Variants in IFT172 observed in about 807,000 individuals in gnomAD.
IFT172 encodes intraflagellar transport protein 172 homolog.
IFT172 carries 164 observed loss-of-function variants against 248.9 expected under a neutral mutation model. That is an observed-to-expected ratio of 0.66 (90% CI 0.58 to 0.75). The LOEUF (loss-of-function observed/expected upper bound fraction) is 0.75. IFT172 is among the 30% of genes least tolerant of loss of function. The probability of loss-of-function intolerance (pLI) is 0.00; values close to 1 mark genes in which losing one functional copy is unlikely to be tolerated. For missense variants in IFT172, 1,950 were observed against 2,192.4 expected (o/e 0.89, Z 2.21); for synonymous variants, 729 against 791.6 (o/e 0.92, Z 1.33).
chr2:27,489,026 A>C (rs1260327), intron 1 of IFT172, among the ~76,000 whole-genome samples: 7 of 152,178 alleles, frequency 4.6e-5, no homozygotes, highest in South Asian at 2.1e-4. Flanking sequence ...AACAGAGCAA[A>C]ACTCTGTCTC....
Position 27,445,292 on chromosome 2 carries a change from A to G in IFT172, c.5068+4T>C. The G allele has an allele frequency of 6.2e-7, 1 of 1,610,690 alleles. No individual in the cohort carries two copies. Among genetic ancestry groups the G allele is most frequent in the Non-Finnish European group, 8.5e-7 (1 of 1,178,004 alleles). On this transcript the variant is annotated splice_donor_region_variant and intron_variant, in intron 46 of 47. Coordinates refer to ENST00000260570, the MANE Select transcript of IFT172 (RefSeq NM_015662.3). The surrounding 1 kb of genome is among the most constrained non-coding windows in gnomAD (Gnocchi z 4.4). ...AGGATCTGGGGTGCTGTAGGCTTCT[A>G]TACCTGTAATAAGGCAGGGCAGGGC...
chr2:27,486,498 C>T (rs1404242793), intron 1 of IFT172, among the ~76,000 whole-genome samples: 1 of 152,316 alleles, frequency 6.6e-6, no homozygotes, highest in East Asian at 1.9e-4. Context: ...TTTTCTTCTG[C>T]CCCAATTGTT....
chr2:27,489,447 TG>T (rs1669005567), intron 1 of IFT172, among the ~76,000 whole-genome samples, 167 bp downstream of exon 1: 1 of 152,238 alleles, frequency 6.6e-6, no homozygotes, highest in African/African-American at 2.4e-5. Context: ...TCCTTAGCCC[TG>T]CATCTCGCCT....
rs543640369 is a variant in IFT172, at chr2:27,468,267, CTG to C, written c.1693-2387_1693-2386del. Among the ~76,000 whole-genome samples the C allele has an allele frequency of 3.0e-4, 46 of 151,610 alleles. No individual in the cohort carries two copies. In the East Asian group the frequency reaches 9.0e-3, roughly 30 times the overall value. On this transcript the variant is annotated intron_variant, in intron 16 of 47. Transcript: ENST00000260570. ...TTTGTTTCTGAGACAGAGTCTTACT[CTG>C]TCGTTCAGGCTGGAGTGCAGTGGTA... is the stretch of plus-strand genomic sequence containing the variant.
chr2:27,458,066 C>G (rs1054598476), intron 27 of IFT172, 60 bp downstream of exon 27: 1 of 1,612,232 alleles, frequency 6.2e-7, no homozygotes, highest in Admixed American at 1.7e-5. Flanking sequence ...CAGACCCCAT[C>G]CCTCGTCCCA....
intron 18 of IFT172, among the ~76,000 whole-genome samples, chr2:27,463,613 A>G (rs67086575): frequency 0.13 from 18,875 of 147,180 alleles, 1,548 homozygotes; most frequent in Middle Eastern, 0.21. Context: ...TCTTCTTCCG[A>G]TGTGGCTCAG....
At chr2:27,477,653 C>T (rs372414747) in intron 11 of IFT172, 41 bp from the exon 12 acceptor site, 216 of 1,327,174 alleles carry the variant, frequency 1.6e-4, no homozygotes, top group Non-Finnish European at 2.2e-4. Flanking sequence ...TGGATAAATA[C>T]CCAAGATAAT....
chr2:27,467,788 C>T (rs1394434139), intron 16 of IFT172, among the ~76,000 whole-genome samples: 1 of 152,010 alleles, frequency 6.6e-6, no homozygotes, highest in Non-Finnish European at 1.5e-5. Flanking sequence ...GAGATAATAA[C>T]TAAGAAACTT....
In IFT172 at chr2:27,447,877, G is replaced by C. The variant is rs753822760; in HGVS notation, c.4474C>G (p.Pro1492Ala). The C allele has an allele frequency of 6.2e-7, 1 of 1,613,810 alleles. No individual in the cohort carries two copies. Among genetic ancestry groups the C allele is most frequent in the Non-Finnish European group, 8.5e-7 (1 of 1,179,724 alleles). The change falls in exon 41 of 48, where the codon CCT (proline) becomes GCT (alanine). Residue 1492 changes from proline to alanine, a missense_variant. Pro to Ala is a conservative substitution (Grantham distance 27). Coordinates refer to ENST00000260570, the MANE Select transcript of IFT172 (RefSeq NM_015662.3). ...KRIFTDMVSS[P>A]GTNCAEAYHS... is the part of the protein sequence containing the mutation. Reference sequence around the variant, plus strand: ...TAGGCCTCGGCACAGTTGGTTCCAGGAGAGCTCACCATGTCAGTGAAGATC... The same window carrying C: ...TAGGCCTCGGCACAGTTGGTTCCAGCAGAGCTCACCATGTCAGTGAAGATC...
intron 1 of IFT172, among the ~76,000 whole-genome samples, chr2:27,486,949 CTTTT>C (rs150387708): frequency 6.8e-6 from 1 of 146,114 alleles, no homozygotes; most frequent in African/African-American, 2.5e-5. Flanking sequence ...TAATTTCCTT[CTTTT>C]TTTTTTTTTG....
rs773691500 is a variant in IFT172, at chr2:27,445,319, C to G, written c.5045G>C (p.Arg1682Pro). The G allele has an allele frequency of 2.5e-6, 4 of 1,612,880 alleles. No homozygotes were observed. The East Asian group carries it at 8.9e-5, about 36-fold the overall frequency. Residue 1682 changes from arginine (R) to proline (P), a missense_variant, in exon 46 of 48, where the codon CGA becomes CCA. Transcript: ENST00000260570. This position sits in a 1 kb window ranked among gnomAD's most constrained non-coding sequence, Gnocchi z 4.4. ...ASLVAASTGVRALPCLITGYP... is the reference protein window; with the variant it reads ...ASLVAASTGVPALPCLITGYP... ...ACCTGTAATAAGGCAGGGCAGGGCT[C>G]GAACACCAGTGCTCGCTGCCACTAG... is the stretch of plus-strand genomic sequence containing the variant.
intron 42 of IFT172, among the ~76,000 whole-genome samples, chr2:27,446,680 ATTTTTTTTTTTTT>A (rs766069964): frequency 2.5e-3 from 201 of 80,468 alleles, no homozygotes; most frequent in African/African-American, 9.6e-3. Flanking sequence ...TGCCTGGCTA[ATTTTTTTTTTTTT>A]TTTTTTTTTT....
chr2:27,479,697 A>G (rs1443455300), intron 9 of IFT172, 93 bp from the exon 10 acceptor site: 3 of 866,778 alleles, frequency 3.5e-6, no homozygotes, highest in Non-Finnish European at 5.7e-6. Context: ...TAAGCTCTAG[A>G]GTCTAGAGAA....
At chr2:27,446,680 ATTTTTTTTTTTTTTTT>A (rs766069964) in intron 42 of IFT172, among the ~76,000 whole-genome samples, 2 of 80,468 alleles carry the variant, frequency 2.5e-5, no homozygotes, top group South Asian at 5.4e-4. Context: ...TGCCTGGCTA[ATTTTTTTTTTTTTTTT>A]TTTTTTTTTT....
At position 27,454,218 on chromosome 2, in the gene IFT172, T is replaced by C. The variant is rs975770142; in HGVS notation, c.3531-56A>G. ...GAGTATAGGACTGAGGCCCCAATAG[T>C]GGGAGACAAACAGCCATGTCACTGA... On this transcript the variant is annotated intron_variant, in intron 32 of 47. Transcript: ENST00000260570. The surrounding 1 kb of genome is among the most constrained non-coding windows in gnomAD (Gnocchi z 4.2). The C allele has an allele frequency of 5.0e-6, 8 of 1,600,570 alleles. No individual in the cohort carries two copies. The highest frequency in any genetic ancestry group is 4.4e-5 in the South Asian group (4 of 90,210).
At chr2:27,487,298 C>T (rs749542091) in intron 1 of IFT172, among the ~76,000 whole-genome samples, 34 of 152,148 alleles carry the variant, frequency 2.2e-4, no homozygotes, top group Non-Finnish European at 4.6e-4. Flanking sequence ...TGAAGCCTTC[C>T]TGATTTCCAT....
At chr2:27,481,987 CTTT>C (rs139411064) in intron 7 of IFT172, among the ~76,000 whole-genome samples, 5 of 140,968 alleles carry the variant, frequency 3.5e-5, no homozygotes, top group South Asian at 2.3e-4. Flanking sequence ...AATAATTCTT[CTTT>C]TTTTTTTTTT....
Position 27,449,336 on chromosome 2 carries a change from C to G in IFT172, c.4269G>C (p.Glu1423Asp). 3.7e-6 allele frequency: 6 copies of G among 1,614,160 alleles called. No individual in the cohort carries two copies. Among genetic ancestry groups the G allele is most frequent in the Non-Finnish European group, 5.1e-6 (6 of 1,180,024 alleles). The change falls in exon 39 of 48, where the codon GAG (glutamate) becomes GAC (aspartate). Residue 1423 changes from glutamate to aspartate, a missense_variant. Around this residue, in one of 3 missense-constraint regions of IFT172, gnomAD observed 620 missense variants for 699.0 expected, o/e 0.89. Transcript: ENST00000260570. ...DVIAALDLYV[E>D]QGQWDKCIET... ...CAATGCACTTGTCCCACTGGCCCTG[C>G]TCCACATACAGGTCCAAAGCAGCTA...
rs1263997748 is a variant in IFT172, at chr2:27,457,944, G to A, written c.3008C>T (p.Ala1003Val). The A allele has an allele frequency of 2.5e-6, 4 of 1,614,142 alleles. No individual in the cohort carries two copies. In the Admixed American group the frequency reaches 5.0e-5, roughly 20 times the overall value. ...LYVTVQEPDL[A>V]ITMYKKHKLY... ...CTTGTGCTTTTTGTACATGGTGATGGCAAGATCAGGCTCTTGTACTGTCAC... is the reference window on the plus strand; with the variant it reads ...CTTGTGCTTTTTGTACATGGTGATGACAAGATCAGGCTCTTGTACTGTCAC... Residue 1003 changes from alanine to valine, a missense_variant, in exon 28 of 48, where the codon GCC becomes GTC. Physicochemically the swap from Ala to Val is moderately conservative, Grantham distance 64. Transcript: ENST00000260570.
Sources: allele counts gnomAD v4.1 joint callset (sites outside exome capture counted in the v4.1 genomes callset), GRCh38; gene constraint gnomAD v4.1.1; regional missense constraint gnomAD v4.1.1; non-coding constraint Gnocchi (gnomAD v3.1); transcripts MANE v1.5; gene names NCBI Gene and HGNC (gene_info 2026-07-23, HGNC 2026-07-21).